The following XKR4 variants were observed in gnomAD, a reference collection of about 807,000 sequenced individuals.
The protein encoded by XKR4 is XK-related protein 4.
Under a neutral mutation model 53.9 loss-of-function variants are expected in XKR4, and 12 were observed. The observed-to-expected ratio is 0.22, with a 90% CI of 0.14 to 0.36. The LOEUF (loss-of-function observed/expected upper bound fraction) is 0.36. XKR4 is among the 10% of genes least tolerant of loss of function. The pLI, the probability that XKR4 is intolerant of heterozygous loss-of-function variation, is 1.00. For missense variants in XKR4, 799 were observed against 859.5 expected (o/e 0.93, Z 0.88); for synonymous variants, 354 against 362.4 (o/e 0.98, Z 0.26).
chr8:55,416,272 G>A (rs1265473416), intron 2 of XKR4, among the ~76,000 whole-genome samples: 1 of 152,170 alleles, frequency 6.6e-6, no homozygotes. Flanking sequence ...CTTGGGAAAC[G>A]TAAGACTGGT....
chr8:55,217,208 C>T (rs1817814334), intron 1 of XKR4, among the ~76,000 whole-genome samples: 1 of 143,162 alleles, frequency 7.0e-6, no homozygotes, highest in Non-Finnish European at 1.5e-5. Flanking sequence ...CGCCACTGCA[C>T]TCCAGCCTGG....
At chr8:55,421,748 C>A (rs1044114347) in intron 2 of XKR4, among the ~76,000 whole-genome samples, 1 of 152,228 alleles carries the variant, frequency 6.6e-6, no homozygotes, top group Non-Finnish European at 1.5e-5. Context: ...TAACCAAGTT[C>A]AGTCTTAATT....
At chr8:55,244,707 C>T (rs551560894) in intron 1 of XKR4, among the ~76,000 whole-genome samples, 15 of 152,232 alleles carry the variant, frequency 9.9e-5, no homozygotes, top group South Asian at 4.2e-4. Context: ...CCCTTTTCTC[C>T]GCAATCACAC....
intron 1 of XKR4, among the ~76,000 whole-genome samples, chr8:55,229,007 C>CAAACA (rs532011214): frequency 1.1e-4 from 17 of 151,976 alleles, no homozygotes; most frequent in Non-Finnish European, 1.8e-4. Flanking sequence ...GAAAAACAAA[C>CAAACA]AAACAAAACA....
At chr8:55,388,829 T>C (rs1467443955) in intron 2 of XKR4, among the ~76,000 whole-genome samples, 1 of 152,200 alleles carries the variant, frequency 6.6e-6, no homozygotes, top group African/African-American at 2.4e-5. Flanking sequence ...ATCCTCGGCT[T>C]ACACTCAAGC....
chr8:55,136,439 T>A (rs1287244628), intron 1 of XKR4, among the ~76,000 whole-genome samples: 1 of 152,190 alleles, frequency 6.6e-6, no homozygotes, highest in East Asian at 1.9e-4. Flanking sequence ...TATCCTTTAA[T>A]TTTTTTCCTC....
At chr8:55,409,690 T>G (rs959971361) in intron 2 of XKR4, among the ~76,000 whole-genome samples, 6 of 152,180 alleles carry the variant, frequency 3.9e-5, no homozygotes, top group African/African-American at 1.4e-4. Context: ...ATGCTAAAGT[T>G]TAAACTAAAT....
At chr8:55,186,626 A>G (rs991847778) in intron 1 of XKR4, among the ~76,000 whole-genome samples, 4 of 152,202 alleles carry the variant, frequency 2.6e-5, no homozygotes, top group Admixed American at 1.3e-4. Flanking sequence ...ACTGCACTCC[A>G]GCCTGGGGGA....
intron 1 of XKR4, among the ~76,000 whole-genome samples, chr8:55,139,678 T>TC (rs895747484): frequency 6.6e-6 from 1 of 151,726 alleles, no homozygotes; most frequent in Admixed American, 6.6e-5. Context: ...TAGCTGTTTT[T>TC]TTTTTTAACA....
intron 2 of XKR4, among the ~76,000 whole-genome samples, chr8:55,455,531 G>A (rs577107773): frequency 1.3e-5 from 2 of 152,134 alleles, no homozygotes; most frequent in Admixed American, 1.3e-4. Context: ...AGCCTTCCTC[G>A]CTAAAAGTGG....
At chr8:55,122,586 T>C (rs776885293) in intron 1 of XKR4, among the ~76,000 whole-genome samples, 11 of 152,212 alleles carry the variant, frequency 7.2e-5, no homozygotes, top group Non-Finnish European at 1.5e-4. Flanking sequence ...GAATAGTCAG[T>C]ATGTGAGCAT....
chr8:55,142,140 C>T, intron 1 of XKR4: 1 of 456,126 alleles, frequency 2.2e-6, no homozygotes, highest in Admixed American at 2.3e-5. Context: ...CTTTCCCCCA[C>T]AGGGAGCCCA....
At chr8:55,232,998 C>G (rs771563934) in intron 1 of XKR4, among the ~76,000 whole-genome samples, 1 of 152,166 alleles carries the variant, frequency 6.6e-6, no homozygotes, top group Non-Finnish European at 1.5e-5. Context: ...TGTAAGTGGG[C>G]ATGGACTAGA....
At chr8:55,156,322 A>G (rs1675067302) in intron 1 of XKR4, among the ~76,000 whole-genome samples, 2 of 151,874 alleles carry the variant, frequency 1.3e-5, no homozygotes, top group Admixed American at 1.3e-4. Flanking sequence ...ATAATTTTGA[A>G]TCCAAATGAC....
At chr8:55,323,557 A>T (rs1004332827) in intron 1 of XKR4, among the ~76,000 whole-genome samples, 1 of 152,180 alleles carries the variant, frequency 6.6e-6, no homozygotes, top group Admixed American at 6.5e-5. Context: ...GTAGTATTCT[A>T]TTGTGTGGAT....
chr8:55,461,518 TG>T (rs1415976185), intron 2 of XKR4, among the ~76,000 whole-genome samples: 4 of 151,786 alleles, frequency 2.6e-5, no homozygotes, highest in Admixed American at 6.6e-5. Flanking sequence ...ACCACAAAGA[TG>T]GGGGAAAAAA....
intron 2 of XKR4, among the ~76,000 whole-genome samples, chr8:55,436,597 C>T (rs956628765): frequency 2.0e-5 from 3 of 152,164 alleles, no homozygotes; most frequent in African/African-American, 7.2e-5. Context: ...GAGGACTTTT[C>T]TTCCTGTGGT....
chr8:55,364,432 T>C (rs1447372317), intron 2 of XKR4, among the ~76,000 whole-genome samples: 14 of 152,194 alleles, frequency 9.2e-5, no homozygotes, highest in African/African-American at 3.4e-4. Context: ...GCTCCTTCTG[T>C]AGCGTGTTCT....
intron 2 of XKR4, among the ~76,000 whole-genome samples, chr8:55,513,612 CT>C (rs1806663475): frequency 6.6e-6 from 1 of 152,180 alleles, no homozygotes; most frequent in South Asian, 2.1e-4. Context: ...GAAAGAGTCC[CT>C]TTTCAAGAGG....
Sources: allele counts gnomAD v4.1 joint callset (sites outside exome capture counted in the v4.1 genomes callset), GRCh38; gene constraint gnomAD v4.1.1; transcripts MANE v1.5; gene names NCBI Gene and HGNC (gene_info 2026-07-23, HGNC 2026-07-21).